NAALADL2: variants seen among roughly 807,000 people sequenced by gnomAD.
NAALADL2 encodes N-acetylated alpha-linked acidic dipeptidase like 2.
A neutral mutation model predicts 87.2 loss-of-function variants in NAALADL2; 76 were observed. That is an observed-to-expected ratio of 0.87 (90% confidence interval 0.72 to 1.05). The LOEUF (loss-of-function observed/expected upper bound fraction) is 1.05. Among genes scored for constraint, NAALADL2 ranks in the 50% least tolerant of loss-of-function variants. The probability of loss-of-function intolerance (pLI) is 0.00; values close to 1 mark genes in which losing one functional copy is unlikely to be tolerated. For missense variants in NAALADL2, 1,089 were observed against 945.8 expected, an observed-to-expected ratio of 1.15 and a Z score of -1.99; for synonymous variants, 354 against 331.0, an observed-to-expected ratio of 1.07 and a Z score of -0.75.
At chr3:175,504,687 A>T (rs1486294825) in intron 9 of NAALADL2, among the ~76,000 whole-genome samples, 1 of 151,486 alleles carries the variant, frequency 6.6e-6, no homozygotes, top group Admixed American at 6.6e-5. Context: ...CCAACCAATG[A>T]GAAAATATTT....
chr3:175,766,535 C>T (rs573350862), intron 13 of NAALADL2, among the ~76,000 whole-genome samples: 9 of 152,116 alleles, frequency 5.9e-5, no homozygotes, highest in Non-Finnish European at 1.3e-4. Flanking sequence ...TTTTTAAATG[C>T]ATTTCAGGGA....
chr3:175,157,110 TA>T (rs142110372), intron 2 of NAALADL2, among the ~76,000 whole-genome samples: 11 of 151,694 alleles, frequency 7.3e-5, no homozygotes, highest in South Asian at 4.2e-4. Context: ...TGTACTTAGT[TA>T]AAAAAAAGTC....
chr3:175,596,845 A>G (rs1722311400), intron 10 of NAALADL2, among the ~76,000 whole-genome samples: 1 of 151,998 alleles, frequency 6.6e-6, no homozygotes, highest in Non-Finnish European at 1.5e-5. Flanking sequence ...GTTGTTTTCC[A>G]TATCTGCAGT....
At chr3:175,713,731 A>C (rs974691194) in intron 11 of NAALADL2, among the ~76,000 whole-genome samples, 2 of 151,740 alleles carry the variant, frequency 1.3e-5, no homozygotes, top group African/African-American at 4.8e-5. Context: ...CCAAATGCAA[A>C]GCCTCATTTT....
At chr3:175,127,396 T>G (rs1434894606) in intron 2 of NAALADL2, among the ~76,000 whole-genome samples, 2 of 152,156 alleles carry the variant, frequency 1.3e-5, no homozygotes, top group Admixed American at 6.5e-5. Flanking sequence ...AGTCTATGAA[T>G]AGCAGAAATA....
rs181357650 is a variant in NAALADL2 at position 175,083,007 on chromosome 3, A to T, written c.44-13783A>T. ...ATCTCTTCACATTATCCCCCTTGAG[A>T]TGTAAGATACAGGACCTGGTTTAGT... On this transcript the variant is annotated intron_variant, in intron 1 of 13. Coordinates refer to ENST00000454872, the MANE Select transcript of NAALADL2 (RefSeq NM_207015.3). 1.1e-4 allele frequency among the ~76,000 whole-genome samples: 17 copies of T among 152,316 alleles called. No individual in the cohort carries two copies. In the East Asian group the frequency reaches 3.3e-3, roughly 29 times the overall value.
intron 2 of NAALADL2, among the ~76,000 whole-genome samples, chr3:174,599,958 G>A (rs1267040740): frequency 3.9e-5 from 6 of 152,048 alleles, no homozygotes; most frequent in Non-Finnish European, 5.9e-5. Flanking sequence ...TGTTTACAAG[G>A]TTGAGCATTA....
chr3:175,270,833 G>A (rs965832597), intron 4 of NAALADL2, among the ~76,000 whole-genome samples: 1 of 152,136 alleles, frequency 6.6e-6, no homozygotes, highest in Non-Finnish European at 1.5e-5. Context: ...GTATAGTACT[G>A]ATTTTACTGT....
intron 1 of NAALADL2, among the ~76,000 whole-genome samples, chr3:174,510,609 G>A (rs1719537505): frequency 6.6e-6 from 1 of 151,836 alleles, no homozygotes; most frequent in South Asian, 2.1e-4. Context: ...AATCTGGTTA[G>A]AGGGTTACCA....
intron 1 of NAALADL2, among the ~76,000 whole-genome samples, chr3:175,088,519 T>C (rs533283715): frequency 3.9e-5 from 6 of 152,220 alleles, no homozygotes; most frequent in Non-Finnish European, 8.8e-5. Flanking sequence ...AAATAGTCTT[T>C]GTGTGTTATG....
intron 4 of NAALADL2, among the ~76,000 whole-genome samples, chr3:175,274,473 A>G (rs75896623): frequency 0.029 from 4,350 of 152,282 alleles, 150 homozygotes; most frequent in African/African-American, 0.086. Flanking sequence ...CAGCAGCTAA[A>G]TAGTCAAATT....
At chr3:174,714,393 G>T (rs376603329) in intron 2 of NAALADL2, among the ~76,000 whole-genome samples, 6 of 152,138 alleles carry the variant, frequency 3.9e-5, no homozygotes, top group Admixed American at 3.9e-4. Context: ...ACCTTGGGCA[G>T]TATGGCCATT....
At chr3:175,801,056 G>A (rs1754086279) in intron 13 of NAALADL2, among the ~76,000 whole-genome samples, 1 of 152,226 alleles carries the variant, frequency 6.6e-6, no homozygotes, top group Non-Finnish European at 1.5e-5. Context: ...TTGCTGAGAG[G>A]AAATGGTGAT....
At chr3:175,528,242 G>A (rs115804232) in intron 9 of NAALADL2, among the ~76,000 whole-genome samples, 217 of 152,030 alleles carry the variant, frequency 1.4e-3, no homozygotes, top group African/African-American at 5.2e-3. Context: ...ACAATAGGCC[G>A]TCTGCAAACT....
intron 1 of NAALADL2, among the ~76,000 whole-genome samples, chr3:175,086,843 T>C (rs1417431359): frequency 6.6e-6 from 1 of 152,196 alleles, no homozygotes; most frequent in Non-Finnish European, 1.5e-5. Context: ...GTCATACAGA[T>C]ATAGCTTATT....
At chr3:174,946,289 A>C (rs766447288) in intron 1 of NAALADL2, among the ~76,000 whole-genome samples, 1 of 152,042 alleles carries the variant, frequency 6.6e-6, no homozygotes, top group African/African-American at 2.4e-5. Context: ...CATTAGGCCA[A>C]TGTATGTTTG....
At chr3:175,603,642 C>T (rs2149646996) in intron 10 of NAALADL2, among the ~76,000 whole-genome samples, 1 of 152,246 alleles carries the variant, frequency 6.6e-6, no homozygotes, top group African/African-American at 2.4e-5. Flanking sequence ...TAGCATATGC[C>T]AGAATCGCCT....
chr3:175,174,063 GA>G (rs1291183012), intron 2 of NAALADL2, among the ~76,000 whole-genome samples: 29 of 151,994 alleles, frequency 1.9e-4, no homozygotes, highest in African/African-American at 3.1e-4. Context: ...TAAAAACTTA[GA>G]ACATAAATTT....
chr3:175,476,416 T>C (rs557339030), intron 9 of NAALADL2, among the ~76,000 whole-genome samples: 1 of 152,260 alleles, frequency 6.6e-6, no homozygotes, highest in South Asian at 2.1e-4. Flanking sequence ...GTGAGTGTGA[T>C]ATGTGCTATC....
Sources: allele counts gnomAD v4.1 joint callset (sites outside exome capture counted in the v4.1 genomes callset), GRCh38; gene constraint gnomAD v4.1.1; transcripts MANE v1.5; gene names NCBI Gene and HGNC (gene_info 2026-07-23, HGNC 2026-07-21).